Variants in PINX1 observed in about 807,000 individuals in gnomAD.
PINX1 encodes PIN2 (TERF1) interacting telomerase inhibitor 1, also known as PIN2/TERF1-interacting telomerase inhibitor 1.
In PINX1, 34 loss-of-function variants were observed where a neutral mutation model predicts 25.4. The ratio of observed to expected loss-of-function variants is 1.34; its 90% CI spans 1.02 to 1.78. The LOEUF (loss-of-function observed/expected upper bound fraction) is 1.78. PINX1 is among the 40% of genes most tolerant of loss of function. The probability of loss-of-function intolerance (pLI) is 0.00; values close to 1 mark genes in which losing one functional copy is unlikely to be tolerated. For missense variants in PINX1, 592 were observed against 404.9 expected, an observed-to-expected ratio of 1.46 and a Z score of -3.97; for synonymous variants, 197 against 147.7, an observed-to-expected ratio of 1.33 and a Z score of -2.42.
intron 6 of PINX1, among the ~76,000 whole-genome samples, chr8:10,784,198 G>A (rs1291829081): frequency 1.3e-5 from 2 of 152,172 alleles, no homozygotes; most frequent in Non-Finnish European, 2.9e-5. Flanking sequence ...GGACACAGGG[G>A]ATGAGAGTGA....
At chr8:10,805,586 G>C (rs970209348) in intron 6 of PINX1, among the ~76,000 whole-genome samples, 1 of 131,318 alleles carries the variant, frequency 7.6e-6, no homozygotes, top group Non-Finnish European at 1.7e-5. Flanking sequence ...GGGGGTGACA[G>C]AGCACAGGAA....
In PINX1 at chr8:10,839,601, GC is replaced by G. The variant is rs202133657; in HGVS notation, c.19+136del. 5,822 of 854,184 alleles carry G rather than the reference GC, an allele frequency of 6.8e-3. 21 individuals are homozygous for G. The highest frequency in any genetic ancestry group is 9.2e-3 in the Middle Eastern group (30 of 3,276). 52.9% of individuals were successfully genotyped at this position (854,184 alleles called of 1,614,324 possible). Reference sequence around the variant, plus strand: ...CGGCGAGCAGGACAATCAGAGCCGGGCTCGGCTCCCCGGTCCCCCGATCCCA... The same window carrying G: ...CGGCGAGCAGGACAATCAGAGCCGGGTCGGCTCCCCGGTCCCCCGATCCCA... On this transcript the variant is annotated intron_variant, in intron 1 of 6. Coordinates refer to ENST00000314787, the MANE Select transcript of PINX1 (RefSeq NM_017884.6).
chr8:10,816,961 A>G (rs1004197706), intron 6 of PINX1, among the ~76,000 whole-genome samples: 1 of 152,352 alleles, frequency 6.6e-6, no homozygotes, highest in South Asian at 2.1e-4. Flanking sequence ...ATGAAATGAG[A>G]AAAATCCAGC....
At position 10,765,586 on chromosome 8, in the gene PINX1, G is replaced by A. The variant is rs773555302; in HGVS notation, c.802C>T (p.Gln268Ter). 3 of 1,613,668 alleles carry A rather than the reference G, an allele frequency of 1.9e-6. No homozygotes were observed. The highest frequency in any genetic ancestry group is 1.7e-6 in the Non-Finnish European group (2 of 1,179,858). Residue 268 changes from glutamine to a stop codon, truncating the protein, a stop_gained, in exon 7 of 7, where the codon CAG (glutamine) becomes TAG (stop). Transcript: ENST00000314787. LOFTEE classifies it low-confidence loss of function (END_TRUNC). The stretch of plus-strand genomic sequence containing the variant: ...TCCTGAGCAGAGGCCTTGGAACTCT[G>A]GTCCCAGCAGGGGCCTCTGAGCTGC... Reference protein sequence around the residue: ...EEQLRGPCWDQSSKASAQDAG... With the variant: ...EEQLRGPCWD
chr8:10,804,513 C>T (rs1395894327), intron 6 of PINX1, among the ~76,000 whole-genome samples: 2 of 152,066 alleles, frequency 1.3e-5, no homozygotes, highest in Non-Finnish European at 2.9e-5. Flanking sequence ...CTGTCATACG[C>T]TGGGCACTGC....
intron 4 of PINX1, among the ~76,000 whole-genome samples, chr8:10,828,118 C>T (rs1798112893): frequency 6.6e-6 from 1 of 152,094 alleles, no homozygotes; most frequent in Non-Finnish European, 1.5e-5. Context: ...CTCGAAAGAA[C>T]GTGAAGGCAG....
intron 6 of PINX1, 25 bp from the exon 7 acceptor site, chr8:10,765,941 G>C (rs1801028251): frequency 1.9e-6 from 3 of 1,606,464 alleles, no homozygotes; most frequent in Admixed American, 1.7e-5. Flanking sequence ...AGAGTTAAAA[G>C]GCAGGTAAGC....
At position 10,765,530 on chromosome 8, in the gene PINX1, GCCCTCAGGCGGCTGCACATGGTCC is replaced by G. The variant is rs751358299; in HGVS notation, c.834_857del (p.Asp279_Gly286del). On this transcript the variant is annotated inframe_deletion, in exon 7 of 7. Coordinates refer to ENST00000314787, the MANE Select transcript of PINX1 (RefSeq NM_017884.6). ...TTTTGGGCTTCAGGGTGAAGTCCCG[GCCCTCAGGCGGCTGCACATGGTCC>G]CCTGCATCCTGAGCAGAGGCCTTGG... The G allele has an allele frequency of 6.2e-7, 1 of 1,613,626 alleles. No homozygotes were observed. Among genetic ancestry groups the G allele is most frequent in the South Asian group, 1.1e-5 (1 of 91,084 alleles).
At chr8:10,778,969 G>T (rs1013883010) in intron 6 of PINX1, among the ~76,000 whole-genome samples, 1 of 152,310 alleles carries the variant, frequency 6.6e-6, no homozygotes, top group East Asian at 1.9e-4. Flanking sequence ...CTTGCAGAGC[G>T]CCTCTGGGAG....
At chr8:10,796,463 A>G (rs1802087329) in intron 6 of PINX1, among the ~76,000 whole-genome samples, 1 of 152,212 alleles carries the variant, frequency 6.6e-6, no homozygotes, top group Non-Finnish European at 1.5e-5. Flanking sequence ...TCCAGAGAGC[A>G]GCTTGGGAAA....
At chr8:10,778,038 G>A (rs1801449681) in intron 6 of PINX1, among the ~76,000 whole-genome samples, 1 of 152,152 alleles carries the variant, frequency 6.6e-6, no homozygotes, top group African/African-American at 2.4e-5. Flanking sequence ...CAGACGAATG[G>A]CATCGATGAG....
At chr8:10,828,584 C>T (rs1419016436) in intron 4 of PINX1, among the ~76,000 whole-genome samples, 2 of 152,198 alleles carry the variant, frequency 1.3e-5, no homozygotes, top group African/African-American at 2.4e-5. Context: ...GCAGCTCTCT[C>T]AGCCTTGAGA....
intron 6 of PINX1, among the ~76,000 whole-genome samples, chr8:10,779,899 A>G (rs1183108962): frequency 6.6e-6 from 1 of 152,222 alleles, no homozygotes; most frequent in Non-Finnish European, 1.5e-5. Context: ...AAAGAAAGGA[A>G]TCAGGGAGAA....
intron 4 of PINX1, among the ~76,000 whole-genome samples, chr8:10,831,151 T>G (rs6987199): frequency 0.46 from 69,199 of 151,786 alleles, 17,205 homozygotes; most frequent in African/African-American, 0.67. Flanking sequence ...GGCAACATGG[T>G]TGAGTTTGGA....
chr8:10,780,044 T>A (rs956518731), intron 6 of PINX1, among the ~76,000 whole-genome samples: 2 of 152,202 alleles, frequency 1.3e-5, no homozygotes, highest in African/African-American at 4.8e-5. Flanking sequence ...TGTATAGAGA[T>A]ACCAGAGATT....
Position 10,826,231 on chromosome 8 carries a change from C to G in PINX1, c.315G>C (p.Lys105Asn). 6.4e-7 allele frequency: 1 copy of G among 1,572,692 alleles called. No individual in the cohort carries two copies. The highest frequency in any genetic ancestry group is 2.2e-5 in the East Asian group (1 of 44,598). ...HGQETTDSSD[K>N]KEKKSFSLEE... Reference sequence around the variant, plus strand: ...CAAGGCTAAAAGATTTCTTTTCCTTCTTGTCCGAGGAATCTTTAAAAAAGA... The same window carrying G: ...CAAGGCTAAAAGATTTCTTTTCCTTGTTGTCCGAGGAATCTTTAAAAAAGA... Residue 105 changes from lysine to asparagine, a missense_variant, in exon 5 of 7, where the codon AAG (lysine) becomes AAC (asparagine). Lys to Asn is a moderately conservative substitution (Grantham distance 94). Coordinates refer to ENST00000314787, the MANE Select transcript of PINX1 (RefSeq NM_017884.6).
rs560328575 is a variant in PINX1, at chr8:10,785,042, A to C, written c.472-19126T>G. 4.6e-5 allele frequency among the ~76,000 whole-genome samples: 7 copies of C among 152,316 alleles called. No individual in the cohort carries two copies. In the South Asian group the frequency reaches 1.5e-3, roughly 32 times the overall value. ...CAGCACTCTGATCCCTAATAAACAT[A>C]AAGAGCGTATCATTTAAATCTTACC... is the stretch of plus-strand genomic sequence containing the variant. On this transcript the variant is annotated intron_variant, in intron 6 of 6. Transcript: ENST00000314787.
intron 6 of PINX1, among the ~76,000 whole-genome samples, chr8:10,805,459 G>C (rs1039240284): frequency 6.6e-6 from 1 of 152,038 alleles, no homozygotes; most frequent in East Asian, 1.9e-4. Context: ...TGCTGAGTGG[G>C]TGGCAGAGCA....
chr8:10,806,389 G>A (rs559175782), intron 6 of PINX1, among the ~76,000 whole-genome samples: 2 of 151,422 alleles, frequency 1.3e-5, no homozygotes, highest in African/African-American at 2.4e-5. Flanking sequence ...AATCTGAGGA[G>A]CAAACAGAGT....
Sources: allele counts gnomAD v4.1 joint callset (sites outside exome capture counted in the v4.1 genomes callset), GRCh38; gene constraint gnomAD v4.1.1; transcripts MANE v1.5; gene names NCBI Gene and HGNC (gene_info 2026-07-23, HGNC 2026-07-21).